Variants in AKAP6 observed in about 807,000 individuals in gnomAD.
AKAP6 encodes the protein A-kinase anchor protein 6.
In AKAP6, 58 loss-of-function variants were observed where a neutral mutation model predicts 188.5. The observed-to-expected ratio is 0.31, with a 90% CI of 0.25 to 0.38. The LOEUF (loss-of-function observed/expected upper bound fraction) is 0.38, where lower values mean the gene tolerates loss of function less well. AKAP6 is among the 10% of genes least tolerant of loss of function. The pLI is 1.00. For missense variants in AKAP6, 2,710 were observed against 2,740.0 expected, an observed-to-expected ratio of 0.99 and a Z score of 0.24; for synonymous variants, 989 against 998.6, an observed-to-expected ratio of 0.99 and a Z score of 0.18.
chr14:32,424,415 C>G (rs536279960), intron 1 of AKAP6, among the ~76,000 whole-genome samples: 1 of 152,062 alleles, frequency 6.6e-6, no homozygotes, highest in Admixed American at 6.6e-5. Flanking sequence ...GCAGTTTCCC[C>G]AGCCTAGAAT....
intron 11 of AKAP6, among the ~76,000 whole-genome samples, chr14:32,740,427 T>C (rs2031621257): frequency 6.6e-6 from 1 of 152,078 alleles, no homozygotes; most frequent in South Asian, 2.1e-4. Flanking sequence ...TTATGAGGTA[T>C]TGCCCCAGAA....
intron 12 of AKAP6, among the ~76,000 whole-genome samples, chr14:32,802,373 G>A (rs906808087): frequency 3.9e-5 from 6 of 152,172 alleles, no homozygotes; most frequent in African/African-American, 1.4e-4. Context: ...TCCCAGAAAT[G>A]GGCAGAAGAT....
rs957041027 is a variant in AKAP6, at chr14:32,539,960, G to C, written c.576+4155G>C. ...GGACTCATGATCTCCGCATCTCTAA[G>C]TTACGAATGTTAGATTTCATGTTCA... On this transcript the variant is annotated intron_variant, in intron 3 of 13. Transcript: ENST00000280979. Among the ~76,000 whole-genome samples, 14 of 152,030 alleles carry C rather than the reference G, an allele frequency of 9.2e-5. No homozygotes were observed. In the South Asian group the frequency reaches 2.9e-3, roughly 32 times the overall value.
At chr14:32,551,808 T>C (rs1256844750) in intron 4 of AKAP6, among the ~76,000 whole-genome samples, 8 of 149,940 alleles carry the variant, frequency 5.3e-5, no homozygotes, top group South Asian at 2.1e-4. Context: ...TACAGGTGCC[T>C]GCCACCACAC....
Position 32,749,239 on chromosome 14 carries a change from C to T in AKAP6, c.3372+13357C>T, listed in dbSNP as rs200155145. ...TTTTGATTGAGAAGATTCCTTTCAACGCTAGCCTTCTTGTGATTCTGTAAG... is the reference window on the plus strand; with the variant it reads ...TTTTGATTGAGAAGATTCCTTTCAATGCTAGCCTTCTTGTGATTCTGTAAG... On this transcript the variant is annotated intron_variant, in intron 11 of 13. Transcript: ENST00000280979. Among the ~76,000 whole-genome samples the T allele has an allele frequency of 2.3e-4, 35 of 152,234 alleles. No homozygotes were observed. In the East Asian group the frequency reaches 6.2e-3, roughly 27 times the overall value.
chr14:32,423,890 G>C (rs1889941984), intron 1 of AKAP6, among the ~76,000 whole-genome samples: 1 of 152,040 alleles, frequency 6.6e-6, no homozygotes, highest in African/African-American at 2.4e-5. Flanking sequence ...TTGTGAGTAG[G>C]GTTAATGGAT....
intron 4 of AKAP6, among the ~76,000 whole-genome samples, chr14:32,555,729 G>A (rs1274441252): frequency 6.6e-6 from 1 of 152,084 alleles, no homozygotes; most frequent in Non-Finnish European, 1.5e-5. Context: ...GTTTGACTTA[G>A]CATGTCCTTA....
chr14:32,732,860 A>C (rs1380776976), intron 10 of AKAP6: 1 of 601,748 alleles, frequency 1.7e-6, no homozygotes, highest in African/African-American at 1.9e-5. Flanking sequence ...AAAATATGCC[A>C]TGTATTATGG....
Position 32,817,246 on chromosome 14 carries a change from G to T in AKAP6, c.3589-4156G>T, listed in dbSNP as rs546835638. On this transcript the variant is annotated intron_variant, in intron 12 of 13. Transcript: ENST00000280979. ...TCAATTAAAGCCATACACATGCAGA[G>T]GGTATTAATTGAGATGGGTATTACC... is the stretch of plus-strand genomic sequence containing the variant. 1.3e-4 allele frequency among the ~76,000 whole-genome samples: 20 copies of T among 152,158 alleles called. 1 individual carries two copies. The East Asian group carries it at 3.3e-3, about 25-fold the overall frequency.
At chr14:32,685,491 G>T (rs1244191742) in intron 8 of AKAP6, among the ~76,000 whole-genome samples, 1 of 152,048 alleles carries the variant, frequency 6.6e-6, no homozygotes, top group South Asian at 2.1e-4. Flanking sequence ...TTGGGAGGCC[G>T]AGGCGGGCGG....
chr14:32,425,151 C>T (rs1889987880), intron 1 of AKAP6, among the ~76,000 whole-genome samples: 1 of 152,122 alleles, frequency 6.6e-6, no homozygotes, highest in African/African-American at 2.4e-5. Context: ...TCACCAGCAT[C>T]TGTTATTTTT....
chr14:32,837,407 T>A lies in AKAP6; in HGVS notation c.*7602T>A, dbSNP rs374873335. ...GTGAAATTTATTCAAGGACTTAAAA[T>A]GATTGAAGGCATTAGGAACATAAAA... On this transcript the variant is annotated 3_prime_UTR_variant, in exon 14 of 14. Coordinates refer to ENST00000280979, the MANE Select transcript of AKAP6 (RefSeq NM_004274.5). The A allele has an allele frequency of 3.3e-5, 5 of 152,338 alleles. No individual in the cohort carries two copies. The East Asian group carries it at 7.7e-4, about 23-fold the overall frequency. The allele number at this position is 152,338 out of a possible 1,614,324, so 9.4% of individuals were successfully genotyped here.
At chr14:32,725,014 A>C (rs1451024588) in intron 9 of AKAP6, among the ~76,000 whole-genome samples, 1 of 150,220 alleles carries the variant, frequency 6.7e-6, no homozygotes, top group African/African-American at 2.4e-5. Flanking sequence ...AAAAAAAAAA[A>C]AAACAATTTT....
At chr14:32,654,477 C>A (rs143948591) in intron 7 of AKAP6, among the ~76,000 whole-genome samples, 1 of 152,238 alleles carries the variant, frequency 6.6e-6, no homozygotes, top group East Asian at 1.9e-4. Context: ...ACAAAACACA[C>A]AATTCTGTGA....
chr14:32,458,551 A>G (rs147445457), intron 2 of AKAP6, among the ~76,000 whole-genome samples: 157 of 152,318 alleles, frequency 1.0e-3, no homozygotes, highest in African/African-American at 3.5e-3. Context: ...AATGAAGAAA[A>G]TGAACAACAT....
At chr14:32,808,434 G>A (rs180762798) in intron 12 of AKAP6, among the ~76,000 whole-genome samples, 1 of 152,278 alleles carries the variant, frequency 6.6e-6, no homozygotes, top group East Asian at 1.9e-4. Context: ...ATTATCAAGG[G>A]TGGAGAAAGG....
chr14:32,786,298 C>CTTTTTTTT lies in AKAP6; in HGVS notation c.3588+12425_3588+12432dup, dbSNP rs1162974012. Among the ~76,000 whole-genome samples, 46 of 82,552 alleles carry CTTTTTTTT rather than the reference C, an allele frequency of 5.6e-4. 2 individuals are homozygous for CTTTTTTTT. Among genetic ancestry groups the CTTTTTTTT allele is most frequent in the Non-Finnish European group, 6.9e-4 (32 of 46,662 alleles). 54.2% of individuals were successfully genotyped at this position (82,552 alleles called of 152,430 possible). Reference sequence around the variant, plus strand: ...CCCTCTGAAAGACCTAAACCTTTATCTTTTTTTTTTTTTTTTTTTTTTTTT... The same window carrying CTTTTTTTT: ...CCCTCTGAAAGACCTAAACCTTTATCTTTTTTTTTTTTTTTTTTTTTTTTTTTTTTTTT... On this transcript the variant is annotated intron_variant, in intron 12 of 13. Transcript: ENST00000280979.
In AKAP6 at chr14:32,431,194, T is replaced by G. The variant is rs558016865; in HGVS notation, c.-34-2266T>G. 4.6e-5 allele frequency among the ~76,000 whole-genome samples: 7 copies of G among 152,200 alleles called. No homozygotes were observed. In the East Asian group the frequency reaches 1.4e-3, roughly 29 times the overall value. On this transcript the variant is annotated intron_variant, in intron 1 of 13. Coordinates refer to ENST00000280979, the MANE Select transcript of AKAP6 (RefSeq NM_004274.5). ...GTATGGTAGCTCACTCTTCCTGGAG[T>G]TTTATCCCTCTCAGTGAAATTTTGT...
At chr14:32,503,910 C>G (rs190253399) in intron 2 of AKAP6, among the ~76,000 whole-genome samples, 1 of 151,726 alleles carries the variant, frequency 6.6e-6, no homozygotes, top group African/African-American at 2.4e-5. Flanking sequence ...TTCAACCCTT[C>G]CCCCCATAAA....
Sources: gnomAD v4.1 joint callset for allele counts (sites outside exome capture counted in the v4.1 genomes callset) on GRCh38, gnomAD v4.1.1 for gene constraint, MANE v1.5 for transcripts, NCBI Gene and HGNC (gene_info 2026-07-23, HGNC 2026-07-21) for gene names.